Variants in KHK observed in about 807,000 individuals in gnomAD.
KHK encodes the protein ketohexokinase, also known as fructokinase.
A neutral mutation model predicts 36.0 loss-of-function variants in KHK; 37 were observed. The observed-to-expected ratio is 1.03, with a 90% CI of 0.79 to 1.35. The LOEUF (loss-of-function observed/expected upper bound fraction) is 1.35. KHK is among the 40% of genes most tolerant of loss of function. KHK has a pLI of 0.00. For missense variants in KHK, 395 were observed against 391.9 expected (o/e 1.01, Z -0.07); for synonymous variants, 161 against 162.8 (o/e 0.99, Z 0.08).
chr2:27,100,453 C>T lies in KHK; in HGVS notation c.*703C>T. 7.7e-7 allele frequency: 1 copy of T among 1,290,986 alleles called. No individual in the cohort carries two copies. Among genetic ancestry groups the T allele is most frequent in the African/African-American group, 1.5e-5 (1 of 65,948 alleles). 80.0% of individuals were successfully genotyped at this position (1,290,986 alleles called of 1,614,324 possible). On this transcript the variant is annotated 3_prime_UTR_variant, in exon 8 of 8. Coordinates refer to ENST00000260598, the MANE Select transcript of KHK (RefSeq NM_006488.3). ...GGCGTGCCTCAGCCACAAATGTGAC[C>T]CAGGATACAGAGTGTTGCTGTCCTC...
rs1002658456 is a variant in KHK, at chr2:27,091,270, T to A, written c.93-1062T>A. Among the ~76,000 whole-genome samples the A allele has an allele frequency of 1.6e-3, 239 of 151,892 alleles. 1 individual carries two copies. The highest frequency in any genetic ancestry group is 1.2e-3 in the Non-Finnish European group (84 of 67,894). ...TAATTTTTAATTTTTTTTTTTTTTT[T>A]AGAGACAAGAGCTCCCTTTGGTTGC... On this transcript the variant is annotated intron_variant, in intron 1 of 7. Coordinates refer to ENST00000260598, the MANE Select transcript of KHK (RefSeq NM_006488.3).
chr2:27,100,023 C>T lies in KHK; in HGVS notation c.*273C>T, dbSNP rs1283224165. Reference sequence around the variant, plus strand: ...TGGCTGGGCATTCCTGAGGCTCTGACTCTTCGATCCTCCCTCTTTGTGTCC... The same window carrying T: ...TGGCTGGGCATTCCTGAGGCTCTGATTCTTCGATCCTCCCTCTTTGTGTCC... On this transcript the variant is annotated 3_prime_UTR_variant, in exon 8 of 8. Transcript: ENST00000260598. 4.5e-6 allele frequency: 3 copies of T among 664,426 alleles called. No homozygotes were observed. The East Asian group carries it at 8.2e-5, about 18-fold the overall frequency. The allele number at this position is 664,426 out of a possible 1,614,324, so 41.2% of individuals were successfully genotyped here. A position where few individuals can be genotyped will look rare whatever the true frequency, so the allele number is the denominator to read the frequency against.
intron 4 of KHK, among the ~76,000 whole-genome samples, chr2:27,097,101 C>T (rs1300914398): frequency 6.6e-6 from 1 of 152,196 alleles, no homozygotes; most frequent in Non-Finnish European, 1.5e-5. Context: ...GGATGTCTGA[C>T]TGCTTAGGGC....
chr2:27,099,356 A>G (rs2148370347), intron 6 of KHK, 64 bp from the exon 7 acceptor site: 2 of 1,612,328 alleles, frequency 1.2e-6, no homozygotes, highest in Non-Finnish European at 1.7e-6. Context: ...TCCGCCCTGG[A>G]GCTGGGAGGA....
intron 1 of KHK, among the ~76,000 whole-genome samples, chr2:27,088,629 G>C (rs1328543245): frequency 6.6e-6 from 1 of 151,666 alleles, no homozygotes; most frequent in Non-Finnish European, 1.5e-5. Flanking sequence ...AAGACATGTT[G>C]GCCATGCTGG....
In KHK at chr2:27,096,717, C is replaced by T. The variant is rs185395180; in HGVS notation, c.345-12C>T. 37 of 1,612,266 alleles carry T rather than the reference C, an allele frequency of 2.3e-5. No homozygotes were observed. In the Middle Eastern group the frequency reaches 1.5e-3, roughly 65 times the overall value. On this transcript the variant is annotated splice_polypyrimidine_tract_variant and intron_variant, in intron 3 of 7. Coordinates refer to ENST00000260598, the MANE Select transcript of KHK (RefSeq NM_006488.3). ...GCTCCTTCTTCTCTGTCTTTTCCAT[C>T]CTGTGACCTAGGAGCCTGCCAGATG...
chr2:27,095,199 T>C (rs1670261551), intron 3 of KHK, among the ~76,000 whole-genome samples: 1 of 152,218 alleles, frequency 6.6e-6, no homozygotes, highest in African/African-American at 2.4e-5. Context: ...TAAACTGTAA[T>C]TTATTAAGTG....
At chr2:27,096,201 G>A (rs1428230745) in intron 3 of KHK, among the ~76,000 whole-genome samples, 2 of 152,132 alleles carry the variant, frequency 1.3e-5, no homozygotes, top group African/African-American at 2.4e-5. Context: ...TTCCTAAACC[G>A]GCCAAACACA....
At chr2:27,093,922 A>G (rs1244973628) in intron 2 of KHK, among the ~76,000 whole-genome samples, 2 of 152,210 alleles carry the variant, frequency 1.3e-5, no homozygotes, top group Middle Eastern at 6.3e-3. Context: ...GAGCTGGCTC[A>G]CCAAGGCAGC....
chr2:27,094,783 C>G lies in KHK; in HGVS notation c.210-17C>G, dbSNP rs964100786. On this transcript the variant is annotated splice_polypyrimidine_tract_variant and intron_variant, in intron 2 of 7. Transcript: ENST00000260598. Reference sequence around the variant, plus strand: ...TGTGTCTCCTTGCCCTTTTCCTGGCCCGGCCTCCACCCTAAGCTTCCTGGT... The same window carrying G: ...TGTGTCTCCTTGCCCTTTTCCTGGCGCGGCCTCCACCCTAAGCTTCCTGGT... The G allele has an allele frequency of 1.9e-6, 3 of 1,613,994 alleles. No homozygotes were observed. The highest frequency in any genetic ancestry group is 1.7e-5 in the Admixed American group (1 of 60,022).
intron 1 of KHK, among the ~76,000 whole-genome samples, chr2:27,090,432 CT>C (rs200516077): frequency 7.3e-6 from 1 of 137,350 alleles, no homozygotes; most frequent in African/African-American, 2.6e-5. Context: ...GCTTGAAAAT[CT>C]TTTTTTTCTT....
At chr2:27,097,702 A>C (rs889144276) in intron 5 of KHK, 53 bp downstream of exon 5, 1 of 1,611,460 alleles carries the variant, frequency 6.2e-7, no homozygotes, top group African/African-American at 1.3e-5. Context: ...TTGGTTCTTA[A>C]AGGGAGCCAG....
rs985286809 is a variant in KHK at position 27,087,080 on chromosome 2, G to A, written c.-180G>A. The A allele has an allele frequency of 6.8e-6, 4 of 583,984 alleles. No homozygotes were observed. The highest frequency in any genetic ancestry group is 1.2e-5 in the Non-Finnish European group (4 of 326,098). 36.2% of individuals were successfully genotyped at this position (583,984 alleles called of 1,614,324 possible). A position where few individuals can be genotyped will look rare whatever the true frequency, so the allele number is the denominator to read the frequency against. ...GGGTCTTCGGGTGTCGCGAGGAAGG[G>A]CCCTGCTCCTTTCGTTCCCTGCACC... On this transcript the variant is annotated 5_prime_UTR_variant, in exon 1 of 8. Coordinates refer to ENST00000260598, the MANE Select transcript of KHK (RefSeq NM_006488.3).
At chr2:27,097,890 A>G (rs1057209528) in intron 5 of KHK, among the ~76,000 whole-genome samples, 1 of 152,166 alleles carries the variant, frequency 6.6e-6, no homozygotes, top group Admixed American at 6.5e-5. Context: ...TAGGTGTAAG[A>G]ATGCCCAGAG....
intron 4 of KHK, among the ~76,000 whole-genome samples, 176 bp from the exon 5 acceptor site, chr2:27,097,327 T>G (rs1414301088): frequency 1.3e-5 from 2 of 152,212 alleles, no homozygotes; most frequent in African/African-American, 4.8e-5. Context: ...GAGTAGCTGG[T>G]TGATAAGGTC....
At chr2:27,093,213 C>T (rs1202641022) in intron 2 of KHK, among the ~76,000 whole-genome samples, 2 of 152,196 alleles carry the variant, frequency 1.3e-5, no homozygotes, top group Non-Finnish European at 2.9e-5. Context: ...TGGCAGAGTC[C>T]AACCACCTGA....
intron 2 of KHK, chr2:27,094,119 C>G: frequency 2.6e-6 from 1 of 378,142 alleles, no homozygotes; most frequent in Non-Finnish European, 5.1e-6. Context: ...GCCACGGTGC[C>G]CCCACATGCT....
chr2:27,096,910 C>A, intron 4 of KHK, 109 bp downstream of exon 4: 1 of 815,516 alleles, frequency 1.2e-6, no homozygotes, highest in Non-Finnish European at 2.1e-6. Flanking sequence ...GATAAATGAA[C>A]CCAACCCCCT....
At chr2:27,089,312 G>A (rs991671230) in intron 1 of KHK, among the ~76,000 whole-genome samples, 2 of 152,024 alleles carry the variant, frequency 1.3e-5, no homozygotes, top group African/African-American at 2.4e-5. Context: ...GAAGGGGCAC[G>A]GGCATGCCAC....
Sources: gnomAD v4.1 joint callset for allele counts (sites outside exome capture counted in the v4.1 genomes callset) on GRCh38, gnomAD v4.1.1 for gene constraint, MANE v1.5 for transcripts, NCBI Gene and HGNC (gene_info 2026-07-23, HGNC 2026-07-21) for gene names.